RHPN2: variants seen among roughly 807,000 people sequenced by gnomAD.
RHPN2 encodes rhophilin Rho GTPase binding protein 2, also known as rhophilin-2.
A neutral mutation model predicts 79.0 loss-of-function variants in RHPN2; 40 were observed. The observed-to-expected ratio is 0.51, with a 90% CI of 0.39 to 0.66. RHPN2 has a LOEUF of 0.66. RHPN2 is among the 30% of genes least tolerant of loss of function. The pLI is 0.00. For missense variants in RHPN2, 686 were observed against 883.5 expected, an observed-to-expected ratio of 0.78 and a Z score of 2.83; for synonymous variants, 285 against 363.5, an observed-to-expected ratio of 0.78 and a Z score of 2.46.
Position 32,997,848 on chromosome 19 carries a change from C to T in RHPN2, c.1226-1628G>A, listed in dbSNP as rs2002181. ...CAGAGCCCTGATTGATGTGAAAGAG[C>T]AGCAGGTGCGAGGGCCCTGGGGCAG... On this transcript the variant is annotated intron_variant, in intron 10 of 14. Coordinates refer to ENST00000254260, the MANE Select transcript of RHPN2 (RefSeq NM_033103.5). Among the ~76,000 whole-genome samples, 28 of 152,288 alleles carry T rather than the reference C, an allele frequency of 1.8e-4. No homozygotes were observed. The East Asian group carries it at 5.2e-3, about 28-fold the overall frequency.
In RHPN2 at chr19:33,026,617, T is replaced by G. The variant is rs1426514579; in HGVS notation, c.201A>C (p.Ser67=). ...AENLLKVATN[S]KVREQVRLEL... is the part of the protein sequence containing the mutation. ...CCAGCCGCACTTGCTCCCGCACCTT[T>G]GAGTTTGTGGCCACTCTGTTCAAAG... The change falls in exon 3 of 15, where the codon TCA becomes TCC. Residue 67 remains serine, a synonymous_variant. Transcript: ENST00000254260. 6.2e-7 allele frequency: 1 copy of G among 1,607,490 alleles called. No homozygotes were observed. The highest frequency in any genetic ancestry group is 1.7e-5 in the Admixed American group (1 of 59,946).
chr19:33,048,725 C>CAAAAAAAAAAA (rs58396784), intron 1 of RHPN2, among the ~76,000 whole-genome samples: 2,715 of 62,494 alleles, frequency 0.043, 316 homozygotes, highest in African/African-American at 0.062. Context: ...GACTCAGTCT[C>CAAAAAAAAAAA]AAAAAAAAAA....
chr19:32,988,870 A>G (rs976116392), intron 14 of RHPN2, among the ~76,000 whole-genome samples: 9 of 152,168 alleles, frequency 5.9e-5, no homozygotes, highest in Non-Finnish European at 1.2e-4. Flanking sequence ...AAAATCCTGA[A>G]CATTTATTTG....
At chr19:32,988,205 A>ACAC (rs1971626040) in intron 14 of RHPN2, among the ~76,000 whole-genome samples, 1 of 143,436 alleles carries the variant, frequency 7.0e-6, no homozygotes, top group Non-Finnish European at 1.5e-5. Context: ...CTCAAAAACA[A>ACAC]CAACAACAAA....
intron 4 of RHPN2, among the ~76,000 whole-genome samples, chr19:33,013,294 A>C (rs1354529620): frequency 6.6e-6 from 1 of 152,042 alleles, no homozygotes; most frequent in Non-Finnish European, 1.5e-5. Context: ...TCCCAGGCTC[A>C]AGTGATTCTC....
intron 11 of RHPN2, 23 bp downstream of exon 11, chr19:32,996,003 G>A (rs780959202): frequency 2.3e-5 from 37 of 1,613,446 alleles, no homozygotes; most frequent in Non-Finnish European, 2.7e-5. Context: ...CCCCACAGAG[G>A]GAACACAGTC....
chr19:33,005,426 A>AG (rs1430432502), intron 7 of RHPN2, among the ~76,000 whole-genome samples: 1 of 150,704 alleles, frequency 6.6e-6, no homozygotes, highest in Non-Finnish European at 1.5e-5. Flanking sequence ...AAAAAAAAAA[A>AG]AAAAAAAAAA....
intron 7 of RHPN2, among the ~76,000 whole-genome samples, chr19:33,005,607 CAAA>C (rs576054331): frequency 3.2e-5 from 2 of 62,586 alleles, no homozygotes; most frequent in Non-Finnish European, 6.0e-5. Flanking sequence ...TGTTGCTGAG[CAAA>C]AAAAAAAAAA....
At chr19:33,040,378 G>C (rs1281548602) in intron 2 of RHPN2, among the ~76,000 whole-genome samples, 1 of 151,406 alleles carries the variant, frequency 6.6e-6, no homozygotes, top group East Asian at 2.0e-4. Flanking sequence ...CTGGGATTAC[G>C]GGCACGTGCC....
chr19:33,030,834 C>T (rs984417931), intron 2 of RHPN2, among the ~76,000 whole-genome samples: 8 of 152,144 alleles, frequency 5.3e-5, no homozygotes, highest in Non-Finnish European at 8.8e-5. Context: ...CCCCAGCTCC[C>T]GGCGTAAGCA....
chr19:33,012,740 G>A lies in RHPN2; in HGVS notation c.391-16C>T, dbSNP rs10402044. The A allele has an allele frequency of 3.5e-3, 4,991 of 1,437,740 alleles. 140 individuals are homozygous for A. The African/African-American group carries it at 0.062, about 18-fold the overall frequency. 89.1% of individuals were successfully genotyped at this position (1,437,740 alleles called of 1,614,324 possible). On this transcript the variant is annotated splice_polypyrimidine_tract_variant and intron_variant, in intron 4 of 14. Transcript: ENST00000254260. Reference sequence around the variant, plus strand: ...GGATAAAATCCTTAAAGAAAAATGAGGTCAGATGTTATAAAGTGTGGCTGA... The same window carrying A: ...GGATAAAATCCTTAAAGAAAAATGAAGTCAGATGTTATAAAGTGTGGCTGA...
In RHPN2 at chr19:33,032,846, T is replaced by G. The variant is rs568010429; in HGVS notation, c.186-6214A>C. Among the ~76,000 whole-genome samples, 7 of 152,262 alleles carry G rather than the reference T, an allele frequency of 4.6e-5. No individual in the cohort carries two copies. In the South Asian group the frequency reaches 1.5e-3, roughly 32 times the overall value. On this transcript the variant is annotated intron_variant, in intron 2 of 14. Coordinates refer to ENST00000254260, the MANE Select transcript of RHPN2 (RefSeq NM_033103.5). ...AAAATGTGTTCCAAATATATTCCCT[T>G]CCTCCTATTGCCTGCCAGGAAGCTC... is the stretch of plus-strand genomic sequence containing the variant.
Position 33,026,584 on chromosome 19 carries a change from G to A in RHPN2, c.234C>T (p.Ser78=). 1 of 1,609,406 alleles carries A rather than the reference G, an allele frequency of 6.2e-7. No homozygotes were observed. The highest frequency in any genetic ancestry group is 8.5e-7 in the Non-Finnish European group (1 of 1,179,778). ...KVREQVRLEL[S]FVNSDLQMLK... ...GCATCTGCAGGTCTGAGTTGACGAA[G>A]CTCAGCTCCAGCCGCACTTGCTCCC... is the stretch of plus-strand genomic sequence containing the variant. The change falls in exon 3 of 15, where the codon AGC becomes AGT. Residue 78 remains serine, a synonymous_variant. Coordinates refer to ENST00000254260, the MANE Select transcript of RHPN2 (RefSeq NM_033103.5).
intron 2 of RHPN2, among the ~76,000 whole-genome samples, chr19:33,036,916 C>G (rs573971625): frequency 6.6e-6 from 1 of 151,982 alleles, no homozygotes; most frequent in Non-Finnish European, 1.5e-5. Context: ...CGAGCCTCCC[C>G]GACGAGCGCC....
intron 9 of RHPN2, among the ~76,000 whole-genome samples, chr19:33,000,526 G>C (rs1240323455): frequency 6.6e-6 from 1 of 151,862 alleles, no homozygotes; most frequent in African/African-American, 2.4e-5. Context: ...TTTGTAATTT[G>C]ACCCTGAGCC....
chr19:33,035,390 C>T (rs913690907), intron 2 of RHPN2, among the ~76,000 whole-genome samples: 50 of 152,208 alleles, frequency 3.3e-4, no homozygotes, highest in Non-Finnish European at 6.9e-4. Flanking sequence ...GCTTGAGCCA[C>T]CACACCTGGC....
chr19:33,020,421 G>T (rs577509010), intron 4 of RHPN2, among the ~76,000 whole-genome samples: 1 of 150,114 alleles, frequency 6.7e-6, no homozygotes, highest in Non-Finnish European at 1.5e-5. Flanking sequence ...TGCCTCCTGG[G>T]TTCAAGCGAC....
At chr19:33,044,757 G>C (rs547028846) in intron 1 of RHPN2, among the ~76,000 whole-genome samples, 1 of 152,120 alleles carries the variant, frequency 6.6e-6, no homozygotes, top group East Asian at 1.9e-4. Context: ...AACCAGGTGT[G>C]GTGGTGGGCG....
chr19:32,994,057 G>T lies in RHPN2; in HGVS notation c.1421-4C>A, dbSNP rs373300445. 17 of 1,601,808 alleles carry T rather than the reference G, an allele frequency of 1.1e-5. No individual in the cohort carries two copies. The East Asian group carries it at 3.8e-4, about 36-fold the overall frequency. On this transcript the variant is annotated splice_region_variant and splice_polypyrimidine_tract_variant and intron_variant, in intron 11 of 14. Coordinates refer to ENST00000254260, the MANE Select transcript of RHPN2 (RefSeq NM_033103.5). ...TCAACCTCTTGCTCAGTTTTAGCTA[G>T]AATAGAGGATTAGAAATGGGAGGAT...
Sources: gnomAD v4.1 joint callset for allele counts (sites outside exome capture counted in the v4.1 genomes callset) on GRCh38, gnomAD v4.1.1 for gene constraint, MANE v1.5 for transcripts, NCBI Gene and HGNC (gene_info 2026-07-23, HGNC 2026-07-21) for gene names.